The following EPB41L4A variants were observed in gnomAD, a reference collection of about 807,000 sequenced individuals.
EPB41L4A encodes erythrocyte membrane protein band 4.1 like 4A, also known as band 4.1-like protein 4A.
A neutral mutation model predicts 108.6 loss-of-function variants in EPB41L4A; 100 were observed. The observed-to-expected ratio is 0.92, with a 90% CI of 0.78 to 1.09. The LOEUF is 1.09. EPB41L4A is among the 50% of genes least tolerant of loss of function. EPB41L4A has a pLI of 0.00. For missense variants in EPB41L4A, 1,030 were observed against 842.7 expected, an observed-to-expected ratio of 1.22 and a Z score of -2.75; for synonymous variants, 319 against 289.0, an observed-to-expected ratio of 1.10 and a Z score of -1.05.
At chr5:112,153,001 T>C (rs1184163553) in intron 12 of EPB41L4A, among the ~76,000 whole-genome samples, 1 of 143,878 alleles carries the variant, frequency 7.0e-6, no homozygotes, top group Non-Finnish European at 1.5e-5. Flanking sequence ...GGTGGATAGC[T>C]TCAGTTCAGG....
At chr5:112,348,656 G>A (rs1440634570) in intron 1 of EPB41L4A, among the ~76,000 whole-genome samples, 2 of 152,142 alleles carry the variant, frequency 1.3e-5, no homozygotes, top group African/African-American at 2.4e-5. Context: ...AGACACTAAT[G>A]AAGTATTCAG....
At chr5:112,260,282 C>G (rs1751405219) in intron 7 of EPB41L4A, among the ~76,000 whole-genome samples, 2 of 152,198 alleles carry the variant, frequency 1.3e-5, no homozygotes, top group Non-Finnish European at 2.9e-5. Flanking sequence ...GGTGTTCAAT[C>G]CTAGCAACAT....
chr5:112,275,155 C>G (rs1248119279), intron 4 of EPB41L4A, 171 bp downstream of exon 4: 5 of 748,456 alleles, frequency 6.7e-6, no homozygotes, highest in Non-Finnish European at 1.0e-5. Context: ...TATCATCAGA[C>G]ACTGATCAAC....
At chr5:112,369,233 A>G (rs1759329918) in intron 1 of EPB41L4A, among the ~76,000 whole-genome samples, 2 of 152,150 alleles carry the variant, frequency 1.3e-5, no homozygotes, top group African/African-American at 4.8e-5. Context: ...TGCTTTTGAC[A>G]TCATTCCCTT....
rs114903560 is a variant in EPB41L4A, at chr5:112,413,646, T to C, written c.99+5295A>G. ...TGTGAGGCACAAATAGGCACCTACC[T>C]CCGCTTGGTCAGGCAGAAGTGAAGG... On this transcript the variant is annotated intron_variant, in intron 1 of 22. Transcript: ENST00000261486. Among the ~76,000 whole-genome samples the C allele has an allele frequency of 7.2e-3, 1,102 of 152,256 alleles. 15 individuals are homozygous for C. Among genetic ancestry groups the C allele is most frequent in the African/African-American group, 0.025 (1,053 of 41,552 alleles).
intron 17 of EPB41L4A, among the ~76,000 whole-genome samples, chr5:112,189,561 C>A (rs865982363): frequency 6.6e-6 from 1 of 152,094 alleles, no homozygotes. Context: ...ATTAGGGAAA[C>A]GTTCAAATAG....
At chr5:112,247,537 T>C (rs888701195) in intron 9 of EPB41L4A, among the ~76,000 whole-genome samples, 2 of 152,180 alleles carry the variant, frequency 1.3e-5, no homozygotes, top group African/African-American at 4.8e-5. Flanking sequence ...CTCTGTGACA[T>C]AGACATTTTT....
intron 1 of EPB41L4A, among the ~76,000 whole-genome samples, chr5:112,361,610 C>G (rs1758767991): frequency 6.7e-6 from 1 of 149,736 alleles, no homozygotes; most frequent in African/African-American, 2.5e-5. Flanking sequence ...CTGTACTGGT[C>G]TTTAACTTTT....
chr5:112,403,584 T>A (rs1169328224), intron 1 of EPB41L4A, among the ~76,000 whole-genome samples: 4 of 152,292 alleles, frequency 2.6e-5, no homozygotes, highest in African/African-American at 7.2e-5. Context: ...TGCTCCCACC[T>A]CAGCCTACAG....
chr5:112,196,507 G>A (rs757231110), intron 15 of EPB41L4A, among the ~76,000 whole-genome samples: 20 of 152,098 alleles, frequency 1.3e-4, no homozygotes, highest in Admixed American at 6.5e-5. Flanking sequence ...ACCCCAATAA[G>A]ACTATCTATT....
At chr5:112,349,499 A>G (rs746838730) in intron 1 of EPB41L4A, among the ~76,000 whole-genome samples, 49 of 152,206 alleles carry the variant, frequency 3.2e-4, no homozygotes, top group Admixed American at 5.9e-4. Context: ...AGCCTATAAC[A>G]GCTGCTATAG....
At position 112,162,992 on chromosome 5, in the gene EPB41L4A, G is replaced by A. The variant is rs1444116244; in HGVS notation, c.*1998C>T. 6.6e-6 allele frequency: 1 copy of A among 152,210 alleles called. No individual in the cohort carries two copies. Among genetic ancestry groups the A allele is most frequent in the African/African-American group, 2.4e-5 (1 of 41,454 alleles). 9.4% of individuals were successfully genotyped at this position (152,210 alleles called of 1,614,324 possible). A position where few individuals can be genotyped will look rare whatever the true frequency, so the allele number is the denominator to read the frequency against. On this transcript the variant is annotated 3_prime_UTR_variant, in exon 23 of 23. Coordinates refer to ENST00000261486, the MANE Select transcript of EPB41L4A (RefSeq NM_022140.5). ...GGCTTGTAAGATGGCTATTATGGGAGGTGAGAGTGTTACAAAATGAGGCTG... is the reference window on the plus strand; with the variant it reads ...GGCTTGTAAGATGGCTATTATGGGAAGTGAGAGTGTTACAAAATGAGGCTG...
At chr5:112,286,939 T>G (rs879347767) in intron 2 of EPB41L4A, among the ~76,000 whole-genome samples, 4 of 152,084 alleles carry the variant, frequency 2.6e-5, no homozygotes, top group Non-Finnish European at 5.9e-5. Flanking sequence ...TGCAATTACC[T>G]CCACGTTGTT....
chr5:112,371,836 G>A (rs1759517541), intron 1 of EPB41L4A, among the ~76,000 whole-genome samples: 1 of 152,054 alleles, frequency 6.6e-6, no homozygotes. Flanking sequence ...AATGCTACAA[G>A]GCCAGATTGG....
At chr5:112,327,342 A>G (rs544853338) in intron 1 of EPB41L4A, among the ~76,000 whole-genome samples, 6 of 152,222 alleles carry the variant, frequency 3.9e-5, no homozygotes, top group African/African-American at 1.4e-4. Context: ...AATATCCTCT[A>G]AAACTACCTT....
At chr5:112,258,806 G>A (rs1185812736) in intron 9 of EPB41L4A, among the ~76,000 whole-genome samples, 3 of 152,132 alleles carry the variant, frequency 2.0e-5, no homozygotes, top group Non-Finnish European at 4.4e-5. Context: ...ACTCAATGAG[G>A]AAAAGAGCAG....
intron 9 of EPB41L4A, among the ~76,000 whole-genome samples, chr5:112,241,291 C>T (rs1315333594): frequency 3.3e-5 from 5 of 152,260 alleles, no homozygotes; most frequent in Admixed American, 1.3e-4. Flanking sequence ...GCAGCATAAT[C>T]TGGGAAAATT....
chr5:112,312,523 G>C (rs530394057), intron 1 of EPB41L4A, among the ~76,000 whole-genome samples: 1 of 152,174 alleles, frequency 6.6e-6, no homozygotes, highest in African/African-American at 2.4e-5. Flanking sequence ...CAGGCACCTG[G>C]AGCAGGGCCA....
At chr5:112,208,949 A>C (rs1473083969) in intron 13 of EPB41L4A, among the ~76,000 whole-genome samples, 1 of 152,244 alleles carries the variant, frequency 6.6e-6, no homozygotes, top group Non-Finnish European at 1.5e-5. Context: ...TTGTCATCCT[A>C]AAAGGAGAAC....
Sources: gnomAD v4.1 joint callset for allele counts (sites outside exome capture counted in the v4.1 genomes callset) on GRCh38, gnomAD v4.1.1 for gene constraint, MANE v1.5 for transcripts, NCBI Gene and HGNC (gene_info 2026-07-23, HGNC 2026-07-21) for gene names.